The following PTPRJ variants were observed in gnomAD, a reference collection of about 807,000 sequenced individuals.
The protein encoded by PTPRJ is receptor-type tyrosine-protein phosphatase eta.
In PTPRJ, 129 loss-of-function variants were observed where a neutral mutation model predicts 141.3. The ratio of observed to expected loss-of-function variants is 0.91; its 90% confidence interval spans 0.79 to 1.06. PTPRJ has a LOEUF of 1.06. PTPRJ is among the 50% of genes least tolerant of loss of function. The probability of loss-of-function intolerance (pLI) is 0.00; values close to 1 mark genes in which losing one functional copy is unlikely to be tolerated. For missense variants in PTPRJ, 1,601 were observed against 1,679.7 expected, an observed-to-expected ratio of 0.95 and a Z score of 0.82; for synonymous variants, 610 against 640.5, an observed-to-expected ratio of 0.95 and a Z score of 0.72.
intron 19 of PTPRJ, among the ~76,000 whole-genome samples, chr11:48,154,527 G>A (rs948222069): frequency 2.6e-5 from 4 of 152,314 alleles, no homozygotes; most frequent in Admixed American, 2.6e-4. Flanking sequence ...AAAGTTCCTT[G>A]TAATCTCTCT....
intron 1 of PTPRJ, among the ~76,000 whole-genome samples, chr11:48,006,882 A>G (rs1854636924): frequency 6.6e-6 from 1 of 151,850 alleles, no homozygotes; most frequent in Admixed American, 6.6e-5. Context: ...TTCTGACTCT[A>G]TTTTGCTGGC....
chr11:48,015,404 A>C (rs1227141804), intron 1 of PTPRJ, among the ~76,000 whole-genome samples: 1 of 151,638 alleles, frequency 6.6e-6, no homozygotes. Flanking sequence ...TATGGCATGC[A>C]TTTCTATGTG....
chr11:48,103,020 C>A (rs1327209135), intron 1 of PTPRJ, among the ~76,000 whole-genome samples: 1 of 152,208 alleles, frequency 6.6e-6, no homozygotes, highest in Non-Finnish European at 1.5e-5. Context: ...GACTTACTTT[C>A]TTCCTCCATA....
intron 1 of PTPRJ, among the ~76,000 whole-genome samples, chr11:48,083,805 C>A (rs904880775): frequency 6.6e-6 from 1 of 152,244 alleles, no homozygotes; most frequent in African/African-American, 2.4e-5. Flanking sequence ...GGACCTTAGT[C>A]TAGACCCATG....
chr11:48,108,249 G>A (rs1262858857), intron 1 of PTPRJ, among the ~76,000 whole-genome samples: 3 of 152,214 alleles, frequency 2.0e-5, no homozygotes, highest in African/African-American at 7.2e-5. Context: ...TAAGGATGAT[G>A]ATGATGACAA....
intron 1 of PTPRJ, among the ~76,000 whole-genome samples, chr11:47,996,409 G>C (rs1055180110): frequency 2.0e-5 from 3 of 151,688 alleles, no homozygotes; most frequent in African/African-American, 7.3e-5. Context: ...CATGTGTCCA[G>C]TTCCATGCTC....
chr11:48,032,629 C>A (rs2134226297), intron 1 of PTPRJ, among the ~76,000 whole-genome samples: 1 of 152,284 alleles, frequency 6.6e-6, no homozygotes, highest in Non-Finnish European at 1.5e-5. Context: ...CGTGGTGGCA[C>A]ATGCCTGTAA....
chr11:48,092,072 G>C (rs929980275), intron 1 of PTPRJ, among the ~76,000 whole-genome samples: 1 of 151,916 alleles, frequency 6.6e-6, no homozygotes, highest in African/African-American at 2.4e-5. Flanking sequence ...AAGGCAGGCA[G>C]ATTACTTGAG....
At chr11:48,038,296 AGT>A (rs1472293101) in intron 1 of PTPRJ, among the ~76,000 whole-genome samples, 1 of 151,860 alleles carries the variant, frequency 6.6e-6, no homozygotes, top group Non-Finnish European at 1.5e-5. Flanking sequence ...TCCTGTCAAG[AGT>A]GTTGGCAGTG....
intron 1 of PTPRJ, among the ~76,000 whole-genome samples, chr11:48,107,469 C>T (rs1856323335): frequency 6.6e-6 from 1 of 152,118 alleles, no homozygotes; most frequent in South Asian, 2.1e-4. Context: ...GGTTTTCTGC[C>T]ACACAACTGG....
intron 1 of PTPRJ, among the ~76,000 whole-genome samples, chr11:48,064,328 C>T (rs1855019223): frequency 6.6e-6 from 1 of 152,180 alleles, no homozygotes; most frequent in African/African-American, 2.4e-5. Context: ...AAGGTCTCTT[C>T]TCCTAAGGGC....
intron 1 of PTPRJ, among the ~76,000 whole-genome samples, chr11:48,066,554 GTATTATTATTATTATTATTATTATTAT>G (rs58097315): frequency 7.5e-6 from 1 of 133,874 alleles, no homozygotes; most frequent in African/African-American, 2.7e-5. Context: ...TTATCCAGTC[GTATTATTATTATTATTATTATTATTAT>G]TATTATTATT....
At chr11:48,033,161 A>C (rs1442353559) in intron 1 of PTPRJ, among the ~76,000 whole-genome samples, 1 of 152,120 alleles carries the variant, frequency 6.6e-6, no homozygotes, top group Non-Finnish European at 1.5e-5. Context: ...CTATTTTCCA[A>C]GGAAAGCCCC....
At chr11:48,031,568 C>T (rs749743744) in intron 1 of PTPRJ, among the ~76,000 whole-genome samples, 2 of 152,166 alleles carry the variant, frequency 1.3e-5, no homozygotes, top group African/African-American at 2.4e-5. Context: ...GGGATCACAT[C>T]GCGGGATGAA....
Position 48,112,839 on chromosome 11 carries a change from A to T in PTPRJ, c.208A>T (p.Lys70Ter), listed in dbSNP as rs747519848. The T allele has an allele frequency of 1.9e-5, 31 of 1,614,082 alleles. No individual in the cohort carries two copies. The part of the protein sequence containing the change: ...QISSTAESFH[K>*]QNGTGTPQVE... ...CAGCAGTACAGCAGAATCCTTTCAT[A>T]AACAGAATGGAACTGGAACACCTCA... Residue 70 changes from lysine (K) to a stop codon, truncating the protein, a stop_gained, in exon 3 of 25, where the codon AAA (lysine) becomes TAA (stop). Transcript: ENST00000418331. LOFTEE classifies it high-confidence loss of function.
intron 1 of PTPRJ, among the ~76,000 whole-genome samples, chr11:48,054,089 C>T (rs1300558162): frequency 2.0e-5 from 3 of 151,582 alleles, no homozygotes; most frequent in African/African-American, 4.9e-5. Context: ...CCTGCCACCA[C>T]GCCTGGCTAA....
At chr11:48,138,098 C>T (rs1055210236) in intron 10 of PTPRJ, among the ~76,000 whole-genome samples, 4 of 152,156 alleles carry the variant, frequency 2.6e-5, no homozygotes, top group African/African-American at 4.8e-5. Flanking sequence ...CTTTTTAGCC[C>T]AGGCCATTCA....
At chr11:48,124,816 C>T (rs1856796933) in intron 5 of PTPRJ, 152 bp from the exon 6 acceptor site, 1 of 722,600 alleles carries the variant, frequency 1.4e-6, no homozygotes, top group Non-Finnish European at 2.4e-6. Context: ...GGGGCTGCCT[C>T]TCTCTCTGGA....
chr11:48,098,482 T>TTGCCA (rs978296042), intron 1 of PTPRJ, among the ~76,000 whole-genome samples: 3 of 152,066 alleles, frequency 2.0e-5, no homozygotes, highest in African/African-American at 7.2e-5. Flanking sequence ...CCATCCTCTG[T>TTGCCA]TGCCAGTGGA....
Sources: allele counts gnomAD v4.1 joint callset (sites outside exome capture counted in the v4.1 genomes callset), GRCh38; gene constraint gnomAD v4.1.1; transcripts MANE v1.5; gene names NCBI Gene and HGNC (gene_info 2026-07-23, HGNC 2026-07-21).